CPNE4: variants seen among roughly 807,000 people sequenced by gnomAD.
CPNE4 encodes the protein copine 4, also known as copine-4.
Under a neutral mutation model 67.9 loss-of-function variants are expected in CPNE4, and 25 were observed. The ratio of observed to expected loss-of-function variants is 0.37; its 90% CI spans 0.27 to 0.51. The LOEUF is 0.51. CPNE4 is among the 20% of genes least tolerant of loss of function. CPNE4 has a pLI of 0.93. For missense variants in CPNE4, 464 were observed against 690.8 expected, an observed-to-expected ratio of 0.67 and a Z score of 3.68; for synonymous variants, 242 against 244.9, an observed-to-expected ratio of 0.99 and a Z score of 0.11.
Position 131,622,635 on chromosome 3 carries a change from T to C in CPNE4, c.682-35053A>G, listed in dbSNP as rs115162419. ...ATATGGGTGCCTAATTCTAGGAATA[T>C]ATATGCAACACCTGCTTATGGGAAA... On this transcript the variant is annotated intron_variant, in intron 7 of 15. Transcript: ENST00000429747. Among the ~76,000 whole-genome samples, 1,032 of 152,276 alleles carry C rather than the reference T, an allele frequency of 6.8e-3. 12 individuals are homozygous for C. The highest frequency in any genetic ancestry group is 0.024 in the African/African-American group (988 of 41,530).
chr3:131,810,085 C>T (rs925923222), intron 2 of CPNE4, among the ~76,000 whole-genome samples: 1 of 151,974 alleles, frequency 6.6e-6, no homozygotes, highest in Admixed American at 6.6e-5. Context: ...AAATGTGAAA[C>T]CTGGAACCAT....
Position 131,586,722 on chromosome 3 carries a change from C to CTCTATCTA in CPNE4, c.780+761_780+762insTAGATAGA, listed in dbSNP as rs111608363. On this transcript the variant is annotated intron_variant, in intron 8 of 15. Transcript: ENST00000429747. ...GATTTGGGCCCAGATGACTTTCTAT[C>CTCTATCTA]TCTATCTGTCTGTCTGTCTGTCTGT... Among the ~76,000 whole-genome samples the CTCTATCTA allele has an allele frequency of 4.7e-3, 702 of 148,442 alleles. 9 individuals carry two copies. The highest frequency in any genetic ancestry group is 0.017 in the African/African-American group (662 of 39,048).
intron 1 of CPNE4, among the ~76,000 whole-genome samples, chr3:131,927,520 C>A (rs1429814458): frequency 6.6e-6 from 1 of 152,126 alleles, no homozygotes; most frequent in Admixed American, 6.6e-5. Context: ...TCTGATCCTA[C>A]TCCAGACTGG....
chr3:131,714,717 A>T (rs1037471029), intron 3 of CPNE4, among the ~76,000 whole-genome samples: 2 of 152,176 alleles, frequency 1.3e-5, no homozygotes, highest in Non-Finnish European at 2.9e-5. Context: ...GATCTTTTGA[A>T]TCATAACTCT....
At chr3:131,848,603 T>G (rs1041974802) in intron 2 of CPNE4, among the ~76,000 whole-genome samples, 25 of 149,448 alleles carry the variant, frequency 1.7e-4, no homozygotes, top group Non-Finnish European at 3.1e-4. Flanking sequence ...GAATTCTAAG[T>G]GGGGCATTGG....
intron 1 of CPNE4, among the ~76,000 whole-genome samples, chr3:131,907,766 C>A (rs1254275174): frequency 4.6e-5 from 7 of 152,092 alleles, no homozygotes; most frequent in Non-Finnish European, 7.4e-5. Flanking sequence ...TTATGTGGCC[C>A]TCTTCAGAAA....
intron 1 of CPNE4, among the ~76,000 whole-genome samples, chr3:132,021,640 G>T (rs958390598): frequency 3.3e-5 from 5 of 152,172 alleles, no homozygotes; most frequent in African/African-American, 1.2e-4. Context: ...TACTGAAATT[G>T]ACACATGTGC....
chr3:132,028,590 T>C (rs2074167363), intron 1 of CPNE4, among the ~76,000 whole-genome samples: 1 of 152,146 alleles, frequency 6.6e-6, no homozygotes, highest in Admixed American at 6.5e-5. Context: ...CAAATAACAA[T>C]CACAGTGAAC....
intron 2 of CPNE4, among the ~76,000 whole-genome samples, chr3:131,856,290 T>C (rs552067964): frequency 3.3e-5 from 5 of 151,870 alleles, no homozygotes; most frequent in Admixed American, 1.3e-4. Context: ...GGTTTCTACA[T>C]AGTCATCTCT....
chr3:131,830,235 T>A (rs1462526298), intron 2 of CPNE4, among the ~76,000 whole-genome samples: 1 of 152,164 alleles, frequency 6.6e-6, no homozygotes, highest in Non-Finnish European at 1.5e-5. Flanking sequence ...TGTTTATCTA[T>A]AAAATATATC....
chr3:131,597,424 A>G (rs1038204914), intron 7 of CPNE4, among the ~76,000 whole-genome samples: 1 of 152,218 alleles, frequency 6.6e-6, no homozygotes, highest in Admixed American at 6.5e-5. Context: ...ACAAAACTGC[A>G]CGTTCTGCAC....
At chr3:131,849,825 G>A (rs2086166441) in intron 2 of CPNE4, among the ~76,000 whole-genome samples, 1 of 152,114 alleles carries the variant, frequency 6.6e-6, no homozygotes, top group Non-Finnish European at 1.5e-5. Context: ...TAAATCAACT[G>A]GCTGTCAGCC....
intron 2 of CPNE4, among the ~76,000 whole-genome samples, chr3:131,874,717 C>T (rs986801972): frequency 6.6e-6 from 1 of 152,142 alleles, no homozygotes; most frequent in African/African-American, 2.4e-5. Context: ...CATTTAAAAA[C>T]CTGTTTCACT....
intron 1 of CPNE4, among the ~76,000 whole-genome samples, chr3:132,012,890 C>T (rs775091364): frequency 1.3e-5 from 2 of 152,142 alleles, no homozygotes; most frequent in South Asian, 2.1e-4. Flanking sequence ...AAGACAACCA[C>T]CAAAGAGAAG....
In CPNE4 at chr3:131,542,521, C is replaced by A; in HGVS notation, c.1539+36G>T. On this transcript the variant is annotated intron_variant, in intron 15 of 15. Coordinates refer to ENST00000429747, the MANE Select transcript of CPNE4 (RefSeq NM_130808.3). ...GAGGTGAGCATGCTTTGGTTCTGCT[C>A]TTCCATGAAAAGTGCCCCAATGTGT... 4 of 1,439,488 alleles carry A rather than the reference C, an allele frequency of 2.8e-6. No individual in the cohort carries two copies. In the South Asian group the frequency reaches 4.6e-5, roughly 16 times the overall value. The allele number at this position is 1,439,488 out of a possible 1,614,324, so 89.2% of individuals were successfully genotyped here.
intron 7 of CPNE4, among the ~76,000 whole-genome samples, chr3:131,649,630 C>A (rs1425284957): frequency 6.6e-6 from 1 of 152,176 alleles, no homozygotes; most frequent in Non-Finnish European, 1.5e-5. Context: ...CTTAAGCCTG[C>A]TGAGTCTGTC....
intron 1 of CPNE4, among the ~76,000 whole-genome samples, chr3:131,998,538 G>A (rs2073351765): frequency 6.6e-6 from 1 of 152,082 alleles, no homozygotes; most frequent in African/African-American, 2.4e-5. Context: ...TTTAACCCAG[G>A]TATTGAACGT....
intron 2 of CPNE4, among the ~76,000 whole-genome samples, chr3:131,778,800 G>A (rs560563914): frequency 1.1e-4 from 16 of 151,950 alleles, no homozygotes; most frequent in African/African-American, 3.6e-4. Flanking sequence ...AACCGGTGCT[G>A]CCACTCCTAT....
intron 1 of CPNE4, among the ~76,000 whole-genome samples, chr3:132,014,147 A>G (rs2073837567): frequency 6.6e-6 from 1 of 152,154 alleles, no homozygotes; most frequent in Non-Finnish European, 1.5e-5. Context: ...GCTGCCAGTG[A>G]AGAGTCTTGG....
Sources: gnomAD v4.1 joint callset for allele counts (sites outside exome capture counted in the v4.1 genomes callset) on GRCh38, gnomAD v4.1.1 for gene constraint, MANE v1.5 for transcripts, NCBI Gene and HGNC (gene_info 2026-07-23, HGNC 2026-07-21) for gene names.